ZNF618: variants seen among roughly 807,000 people sequenced by gnomAD.
ZNF618 encodes zinc finger protein 618.
In ZNF618, 34 loss-of-function variants were observed where a neutral mutation model predicts 103.0. That is an observed-to-expected ratio of 0.33 (90% CI 0.25 to 0.44). The LOEUF is 0.44. Among genes scored for constraint, ZNF618 ranks in the 20% least tolerant of loss-of-function variants. The pLI is 1.00. For missense variants in ZNF618, 1,059 were observed against 1,295.4 expected, an observed-to-expected ratio of 0.82 and a Z score of 2.80; for synonymous variants, 551 against 542.2, an observed-to-expected ratio of 1.02 and a Z score of -0.23.
chr9:113,901,282 T>C (rs895236330), intron 1 of ZNF618, among the ~76,000 whole-genome samples: 1 of 152,236 alleles, frequency 6.6e-6, no homozygotes, highest in African/African-American at 2.4e-5. Context: ...TCCTGCGTCG[T>C]TGGGCCTCAG....
intron 1 of ZNF618, among the ~76,000 whole-genome samples, chr9:113,933,550 G>A (rs1449410749): frequency 6.6e-6 from 1 of 152,190 alleles, no homozygotes; most frequent in Admixed American, 6.5e-5. Context: ...GTGGAGAGCA[G>A]GTTGTTTGAG....
At chr9:113,973,720 A>G (rs1271855736) in intron 2 of ZNF618, among the ~76,000 whole-genome samples, 3 of 152,240 alleles carry the variant, frequency 2.0e-5, no homozygotes, top group Non-Finnish European at 4.4e-5. Flanking sequence ...CAGTTTTTGT[A>G]ATCAAGTAAA....
At chr9:113,918,140 T>C (rs1031995632) in intron 1 of ZNF618, among the ~76,000 whole-genome samples, 1 of 152,184 alleles carries the variant, frequency 6.6e-6, no homozygotes, top group African/African-American at 2.4e-5. Flanking sequence ...TATAGAATGC[T>C]CCTCCTGGAT....
chr9:113,887,736 C>G (rs966653899), intron 1 of ZNF618, among the ~76,000 whole-genome samples: 2 of 152,184 alleles, frequency 1.3e-5, no homozygotes, highest in African/African-American at 4.8e-5. Context: ...GTGAGCGGCC[C>G]AGGCGGGTAG....
chr9:114,007,144 C>T (rs1022045787), intron 6 of ZNF618, among the ~76,000 whole-genome samples: 1 of 152,212 alleles, frequency 6.6e-6, no homozygotes, highest in Non-Finnish European at 1.5e-5. Context: ...CAAGGCTGCT[C>T]ATCACCGGCC....
chr9:113,935,131 C>G (rs1340788574), intron 1 of ZNF618, among the ~76,000 whole-genome samples: 1 of 152,146 alleles, frequency 6.6e-6, no homozygotes, highest in Non-Finnish European at 1.5e-5. Flanking sequence ...ATGGGGCTGC[C>G]GACGAGGGTC....
chr9:113,974,412 A>G (rs1838293705), intron 2 of ZNF618, among the ~76,000 whole-genome samples: 1 of 152,216 alleles, frequency 6.6e-6, no homozygotes, highest in Admixed American at 6.5e-5. Context: ...GACTTTGGCC[A>G]TTCCTCTGCG....
rs140970290 is a variant in ZNF618 at position 114,049,129 on chromosome 9, G to A, written c.1827G>A (p.Ser609=). The change falls in exon 15 of 15, where the codon TCG becomes TCA. Residue 609 remains serine, a synonymous_variant. Transcript: ENST00000374126. ...ACGTGCTGTCGGAGTTCGTGATGTC[G>A]GAGATCAGGACAGTGTACGTGACGG... ...VQNVLSEFVM[S]EIRTVYVTDC... is the part of the protein sequence containing the mutation. The A allele has an allele frequency of 2.4e-4, 384 of 1,613,830 alleles. No homozygotes were observed. Among genetic ancestry groups the A allele is most frequent in the Non-Finnish European group, 3.1e-4 (362 of 1,179,902 alleles).
At chr9:113,898,796 A>G (rs953022970) in intron 1 of ZNF618, among the ~76,000 whole-genome samples, 8 of 152,184 alleles carry the variant, frequency 5.3e-5, no homozygotes, top group Non-Finnish European at 8.8e-5. Context: ...TGAGGCTGAG[A>G]CTGTAGTTAC....
intron 1 of ZNF618, among the ~76,000 whole-genome samples, chr9:113,935,298 G>A (rs570723543): frequency 6.6e-6 from 1 of 152,308 alleles, no homozygotes; most frequent in South Asian, 2.1e-4. Context: ...GCCAGCTGCA[G>A]CGGGTTCACT....
intron 1 of ZNF618, among the ~76,000 whole-genome samples, chr9:113,894,127 A>G (rs913639366): frequency 6.6e-6 from 1 of 152,194 alleles, no homozygotes; most frequent in Non-Finnish European, 1.5e-5. Context: ...TTATTTTTAA[A>G]TCTCACATTT....
intron 12 of ZNF618, among the ~76,000 whole-genome samples, chr9:114,034,061 T>C (rs1162924728): frequency 1.3e-5 from 2 of 152,224 alleles, no homozygotes; most frequent in Non-Finnish European, 2.9e-5. Flanking sequence ...AGTGGCTTGA[T>C]GAACACACAC....
intron 7 of ZNF618, among the ~76,000 whole-genome samples, chr9:114,007,977 CT>C (rs1432400103): frequency 6.6e-6 from 1 of 152,178 alleles, no homozygotes; most frequent in Non-Finnish European, 1.5e-5. Context: ...ACTGGCCCAT[CT>C]CTTTTCTCAC....
At chr9:113,919,164 C>T (rs1832404076) in intron 1 of ZNF618, among the ~76,000 whole-genome samples, 1 of 152,094 alleles carries the variant, frequency 6.6e-6, no homozygotes, top group Non-Finnish European at 1.5e-5. Flanking sequence ...GTGTGAGCAG[C>T]CAAGGGGAGC....
intron 10 of ZNF618, 114 bp downstream of exon 10, chr9:114,016,898 A>T: frequency 1.3e-6 from 1 of 777,264 alleles, no homozygotes; most frequent in Non-Finnish European, 2.1e-6. Flanking sequence ...AGGTGAGCTC[A>T]GTTCTGGGTC....
At chr9:113,922,182 A>C (rs901804559) in intron 1 of ZNF618, among the ~76,000 whole-genome samples, 9 of 152,240 alleles carry the variant, frequency 5.9e-5, no homozygotes, top group Non-Finnish European at 1.2e-4. Context: ...AAATAAACAC[A>C]ATTTCTCCAG....
rs147430516 is a variant in ZNF618, at chr9:113,943,003, T to A, written c.34-26114T>A. Among the ~76,000 whole-genome samples, 130 of 152,320 alleles carry A rather than the reference T, an allele frequency of 8.5e-4. No individual in the cohort carries two copies. In the Middle Eastern group the frequency reaches 0.01, roughly 12 times the overall value. ...TTTAGAGGAGTGTTTTGGGTTGGTT[T>A]CATCAAGTTGAGGATTGTCCCAGGT... is the stretch of plus-strand genomic sequence containing the variant. On this transcript the variant is annotated intron_variant, in intron 1 of 14. Transcript: ENST00000374126.
chr9:113,955,341 T>A (rs1836179917), intron 1 of ZNF618, among the ~76,000 whole-genome samples: 1 of 149,952 alleles, frequency 6.7e-6, no homozygotes. Context: ...AATTGTAGAA[T>A]AATTTCAAAA....
intron 4 of ZNF618, among the ~76,000 whole-genome samples, chr9:114,000,543 A>G (rs955710324): frequency 6.6e-6 from 1 of 151,558 alleles, no homozygotes; most frequent in African/African-American, 2.4e-5. Flanking sequence ...GCCCAAGACA[A>G]TTCTTCTTCC....
Sources: gnomAD v4.1 joint callset for allele counts (sites outside exome capture counted in the v4.1 genomes callset) on GRCh38, gnomAD v4.1.1 for gene constraint, MANE v1.5 for transcripts, NCBI Gene and HGNC (gene_info 2026-07-23, HGNC 2026-07-21) for gene names.